GALNT17: variants seen among roughly 807,000 people sequenced by gnomAD.
GALNT17 encodes polypeptide N-acetylgalactosaminyltransferase 17.
Under a neutral mutation model 63.7 loss-of-function variants are expected in GALNT17, and 29 were observed. The observed-to-expected ratio is 0.46, with a 90% CI of 0.34 to 0.62. The LOEUF (loss-of-function observed/expected upper bound fraction) is 0.62. Among genes scored for constraint, GALNT17 ranks in the 20% least tolerant of loss-of-function variants. The probability of loss-of-function intolerance (pLI) is 0.01; values close to 1 mark genes in which losing one functional copy is unlikely to be tolerated. For missense variants in GALNT17, 603 were observed against 799.6 expected, an observed-to-expected ratio of 0.75 and a Z score of 2.97; for synonymous variants, 305 against 318.3, an observed-to-expected ratio of 0.96 and a Z score of 0.45.
chr7:71,265,116 ATAT>A (rs1330227297), intron 1 of GALNT17, among the ~76,000 whole-genome samples: 21 of 59,030 alleles, frequency 3.6e-4, no homozygotes, highest in African/African-American at 1.4e-3. Context: ...ATATATATAT[ATAT>A]TTTTTTTTTT....
At chr7:71,401,200 G>A (rs769147165) in intron 3 of GALNT17, among the ~76,000 whole-genome samples, 14 of 150,938 alleles carry the variant, frequency 9.3e-5, no homozygotes, top group Non-Finnish European at 1.8e-4. Context: ...AGGTTCAAGC[G>A]ATTCTCCTGC....
At chr7:71,319,282 GT>G (rs1298085547) in intron 1 of GALNT17, among the ~76,000 whole-genome samples, 1 of 151,882 alleles carries the variant, frequency 6.6e-6, no homozygotes, top group Non-Finnish European at 1.5e-5. Flanking sequence ...ATCTACCCAG[GT>G]TTTGGTTTTC....
chr7:71,382,403 A>G (rs1389978512), intron 2 of GALNT17, among the ~76,000 whole-genome samples: 3 of 152,058 alleles, frequency 2.0e-5, no homozygotes, highest in African/African-American at 4.8e-5. Context: ...ACAAAAACAG[A>G]ACAAAACAAA....
intron 1 of GALNT17, among the ~76,000 whole-genome samples, chr7:71,262,686 T>C (rs1790407757): frequency 6.7e-6 from 1 of 148,168 alleles, no homozygotes; most frequent in African/African-American, 2.5e-5. Flanking sequence ...TTTCTTTTTT[T>C]TTTTTTTTTT....
chr7:71,665,845 CTT>C (rs1178860239), intron 7 of GALNT17, among the ~76,000 whole-genome samples: 1 of 152,096 alleles, frequency 6.6e-6, no homozygotes, highest in Non-Finnish European at 1.5e-5. Context: ...TAATCCCAGT[CTT>C]ATTATGTTAA....
chr7:71,480,229 A>G (rs6977404), intron 5 of GALNT17, among the ~76,000 whole-genome samples: 20,982 of 130,646 alleles, frequency 0.16, 2,100 homozygotes, highest in East Asian at 0.56. Flanking sequence ...GCAATGGTGC[A>G]ATCTCAGCTC....
intron 3 of GALNT17, among the ~76,000 whole-genome samples, chr7:71,414,133 C>T (rs767484170): frequency 2.6e-5 from 4 of 151,838 alleles, no homozygotes; most frequent in Non-Finnish European, 4.4e-5. Flanking sequence ...ACCAGCTACT[C>T]GGGAGGCTGA....
chr7:71,389,643 A>G (rs898721001), intron 3 of GALNT17, among the ~76,000 whole-genome samples: 2 of 152,106 alleles, frequency 1.3e-5, no homozygotes, highest in East Asian at 1.9e-4. Flanking sequence ...CCTTCTTCTC[A>G]TTAGCTAAAG....
chr7:71,683,901 C>T (rs556575222), intron 9 of GALNT17, among the ~76,000 whole-genome samples: 84 of 150,310 alleles, frequency 5.6e-4, no homozygotes, highest in African/African-American at 1.8e-3. Flanking sequence ...CCAGCTACTC[C>T]GGGAGGCTGA....
At chr7:71,704,696 G>A (rs1378659525) in intron 9 of GALNT17, among the ~76,000 whole-genome samples, 1 of 152,118 alleles carries the variant, frequency 6.6e-6, no homozygotes, top group Non-Finnish European at 1.5e-5. Context: ...ATCACATTTA[G>A]AGTCTAGAAA....
At chr7:71,679,846 G>C in intron 9 of GALNT17, among the ~76,000 whole-genome samples, 1 of 151,824 alleles carries the variant, frequency 6.6e-6, no homozygotes. Flanking sequence ...TGGGGTCTGA[G>C]AGTTTGCTTT....
At chr7:71,258,304 C>G (rs1032979541) in intron 1 of GALNT17, among the ~76,000 whole-genome samples, 1 of 152,220 alleles carries the variant, frequency 6.6e-6, no homozygotes, top group African/African-American at 2.4e-5. Context: ...TCAGTATTCC[C>G]TAAGTGCAAT....
intron 2 of GALNT17, among the ~76,000 whole-genome samples, chr7:71,355,443 G>A (rs999768817): frequency 3.3e-5 from 5 of 152,084 alleles, no homozygotes; most frequent in African/African-American, 1.2e-4. Context: ...TGTCACTCAA[G>A]ACAGGTTTAG....
At chr7:71,541,522 C>T (rs936268718) in intron 5 of GALNT17, among the ~76,000 whole-genome samples, 4 of 152,026 alleles carry the variant, frequency 2.6e-5, no homozygotes, top group African/African-American at 4.8e-5. Context: ...CACTGTATTC[C>T]GGCCTGGGTG....
chr7:71,487,177 C>T (rs1787925568), intron 5 of GALNT17, among the ~76,000 whole-genome samples: 2 of 152,236 alleles, frequency 1.3e-5, no homozygotes, highest in African/African-American at 4.8e-5. Flanking sequence ...GCTTCCCTCA[C>T]TCCCTGTACC....
chr7:71,364,081 G>A (rs1792456748), intron 2 of GALNT17, among the ~76,000 whole-genome samples: 1 of 152,110 alleles, frequency 6.6e-6, no homozygotes, highest in African/African-American at 2.4e-5. Flanking sequence ...AGGTTCTTTA[G>A]TGATGATTTG....
chr7:71,614,110 T>C (rs1790164159), intron 6 of GALNT17, among the ~76,000 whole-genome samples: 1 of 152,166 alleles, frequency 6.6e-6, no homozygotes, highest in Non-Finnish European at 1.5e-5. Context: ...CCAACAAAGT[T>C]AGTATTTCAA....
At chr7:71,529,505 CAG>C (rs1467584192) in intron 5 of GALNT17, among the ~76,000 whole-genome samples, 1 of 152,006 alleles carries the variant, frequency 6.6e-6, no homozygotes, top group Non-Finnish European at 1.5e-5. Flanking sequence ...CAATAAAATG[CAG>C]AGTTATTTAT....
intron 5 of GALNT17, among the ~76,000 whole-genome samples, chr7:71,505,666 A>G (rs1788254955): frequency 6.6e-6 from 1 of 152,046 alleles, no homozygotes; most frequent in East Asian, 1.9e-4. Flanking sequence ...TTACCCCATT[A>G]TGTGCTCTTG....
Sources: allele counts gnomAD v4.1 joint callset (sites outside exome capture counted in the v4.1 genomes callset), GRCh38; gene constraint gnomAD v4.1.1; transcripts MANE v1.5; gene names NCBI Gene and HGNC (gene_info 2026-07-23, HGNC 2026-07-21).